Variants in CNTN6 observed in about 807,000 individuals in gnomAD.
CNTN6 encodes the protein contactin 6.
A neutral mutation model predicts 122.8 loss-of-function variants in CNTN6; 137 were observed. That is an observed-to-expected ratio of 1.12 (90% confidence interval 0.97 to 1.29). The LOEUF is 1.29. Among genes scored for constraint, CNTN6 ranks in the 50% most tolerant of loss-of-function variants. CNTN6 has a pLI of 0.00. For missense variants in CNTN6, 1,634 were observed against 1,223.4 expected, an observed-to-expected ratio of 1.34 and a Z score of -5.01; for synonymous variants, 570 against 426.0, an observed-to-expected ratio of 1.34 and a Z score of -4.16.
In CNTN6 at chr3:1,385,749, G is replaced by C; in HGVS notation, c.2656G>C (p.Gly886Arg). 2.5e-6 allele frequency: 4 copies of C among 1,613,824 alleles called. No individual in the cohort carries two copies. The highest frequency in any genetic ancestry group is 3.4e-6 in the Non-Finnish European group (4 of 1,179,876). The change falls in exon 20 of 23, where the codon GGG (glycine) becomes CGG (arginine). Residue 886 changes from glycine to arginine, a missense_variant. By Grantham distance (125) the Gly-to-Arg change is moderately radical (BLOSUM62 -2). Transcript: ENST00000446702. ...TTCCGTAAGAGCTTACAACACTGCT[G>C]GGACAGGGCCCTCAAGCCCCCCAGT... ...FASVRAYNTA[G>R]TGPSSPPVNV...
chr3:1,218,433 C>G (rs1017949995), intron 2 of CNTN6, among the ~76,000 whole-genome samples: 2 of 152,064 alleles, frequency 1.3e-5, no homozygotes, highest in Admixed American at 1.3e-4. Flanking sequence ...GACATCCACA[C>G]TGGAGGCAGA....
chr3:1,241,919 C>T (rs2094490902), intron 4 of CNTN6, among the ~76,000 whole-genome samples: 1 of 152,178 alleles, frequency 6.6e-6, no homozygotes, highest in Admixed American at 6.5e-5. Flanking sequence ...TAGGCTAAAA[C>T]AGTAAGGTCA....
At chr3:1,262,252 C>T (rs866828411) in intron 4 of CNTN6, among the ~76,000 whole-genome samples, 2 of 152,006 alleles carry the variant, frequency 1.3e-5, no homozygotes, top group African/African-American at 2.4e-5. Context: ...AGTGTTGTGG[C>T]TAGGATAAGC....
At chr3:1,120,462 A>G (rs2091907105) in intron 1 of CNTN6, among the ~76,000 whole-genome samples, 1 of 151,890 alleles carries the variant, frequency 6.6e-6, no homozygotes, top group South Asian at 2.1e-4. Flanking sequence ...TTATCTTTTT[A>G]TGTACCTATT....
intron 4 of CNTN6, among the ~76,000 whole-genome samples, chr3:1,242,127 G>T (rs1344845228): frequency 1.3e-5 from 2 of 152,186 alleles, no homozygotes; most frequent in African/African-American, 4.8e-5. Flanking sequence ...AACAGATGAG[G>T]AAGAAATTTG....
chr3:1,259,189 CAT>C (rs140236267), intron 4 of CNTN6, among the ~76,000 whole-genome samples: 3,326 of 152,114 alleles, frequency 0.022, 117 homozygotes, highest in African/African-American at 0.077. Context: ...TCTCATTTCT[CAT>C]ATTATTTACT....
At chr3:1,169,132 G>A (rs186856810) in intron 2 of CNTN6, among the ~76,000 whole-genome samples, 17 of 152,248 alleles carry the variant, frequency 1.1e-4, no homozygotes, top group Admixed American at 1.0e-3. Flanking sequence ...TAGTCTCAGA[G>A]GCCCTAGTCA....
At chr3:1,144,604 AAAAT>A (rs1190121421) in intron 1 of CNTN6, among the ~76,000 whole-genome samples, 1 of 45,858 alleles carries the variant, frequency 2.2e-5, no homozygotes, top group Admixed American at 2.3e-4. Flanking sequence ...TAAAAAATAA[AAAAT>A]AAAAAAAGAA....
At chr3:1,213,108 A>T (rs2094070626) in intron 2 of CNTN6, among the ~76,000 whole-genome samples, 1 of 152,180 alleles carries the variant, frequency 6.6e-6, no homozygotes, top group African/African-American at 2.4e-5. Flanking sequence ...TAATTTGGAA[A>T]CTGCTGTATG....
chr3:1,324,364 C>G (rs1486045325), intron 8 of CNTN6, among the ~76,000 whole-genome samples: 8 of 149,748 alleles, frequency 5.3e-5, no homozygotes, highest in Non-Finnish European at 1.2e-4. Context: ...GGCCCTGCTT[C>G]TTACTTCAGC....
intron 2 of CNTN6, among the ~76,000 whole-genome samples, chr3:1,160,007 G>C (rs1423372844): frequency 6.6e-6 from 1 of 151,890 alleles, no homozygotes; most frequent in Non-Finnish European, 1.5e-5. Flanking sequence ...TTTTAGTAGG[G>C]ACAAGGTTTC....
intron 4 of CNTN6, among the ~76,000 whole-genome samples, chr3:1,234,403 C>A (rs2094395868): frequency 6.6e-6 from 1 of 152,024 alleles, no homozygotes. Flanking sequence ...TAAGCAAGAA[C>A]AAAAACCCTC....
At position 1,401,439 on chromosome 3, in the gene CNTN6, G is replaced by T; in HGVS notation, c.2711G>T (p.Ser904Ile). Reference protein sequence around the residue: ...VNVTTKKSPPSQPPANIAWKL... With the variant: ...VNVTTKKSPPIQPPANIAWKL... ...TTTGATTATCTCTTTAAAGCTCCAA[G>T]CCAACCACCAGCAAACATTGCCTGG... Residue 904 changes from serine (S) to isoleucine (I), a missense_variant, in exon 21 of 23, where the codon AGC becomes ATC. By Grantham distance (142) the Ser-to-Ile change is moderately radical (BLOSUM62 -2). Transcript: ENST00000446702. 1.2e-6 allele frequency: 2 copies of T among 1,611,348 alleles called. No individual in the cohort carries two copies. Among genetic ancestry groups the T allele is most frequent in the Non-Finnish European group, 1.7e-6 (2 of 1,178,222 alleles).
At chr3:1,228,939 C>T (rs2125556575) in intron 4 of CNTN6, among the ~76,000 whole-genome samples, 1 of 151,932 alleles carries the variant, frequency 6.6e-6, no homozygotes, top group African/African-American at 2.4e-5. Flanking sequence ...TTATTCTACA[C>T]CAGAGATCCC....
intron 1 of CNTN6, among the ~76,000 whole-genome samples, chr3:1,102,619 T>G (rs111541295): frequency 0.079 from 11,690 of 148,780 alleles, 1,025 homozygotes; most frequent in Non-Finnish European, 0.11. Context: ...TCCCAGCTAC[T>G]CGGGAGGCTG....
At chr3:1,352,483 A>G in intron 12 of CNTN6, 32 bp downstream of exon 12, 1 of 1,607,050 alleles carries the variant, frequency 6.2e-7, no homozygotes, top group South Asian at 1.1e-5. Flanking sequence ...TGCTTGATGA[A>G]CATTGTAAAT....
At chr3:1,295,043 A>G (rs1216351600) in intron 5 of CNTN6, among the ~76,000 whole-genome samples, 1 of 152,184 alleles carries the variant, frequency 6.6e-6, no homozygotes, top group Non-Finnish European at 1.5e-5. Flanking sequence ...ACTTGAGCTC[A>G]GGAGTTGGAG....
chr3:1,300,906 G>T (rs1197180415), intron 7 of CNTN6, among the ~76,000 whole-genome samples: 5 of 151,280 alleles, frequency 3.3e-5, no homozygotes, highest in Non-Finnish European at 7.4e-5. Flanking sequence ...GAGGTATGTG[G>T]AATAATTTAA....
intron 17 of CNTN6, among the ~76,000 whole-genome samples, chr3:1,378,130 T>C (rs180777108): frequency 6.6e-5 from 10 of 152,054 alleles, no homozygotes; most frequent in African/African-American, 2.2e-4. Context: ...TTGAAGGCTG[T>C]CCATGGATGA....
Sources: gnomAD v4.1 joint callset for allele counts (sites outside exome capture counted in the v4.1 genomes callset) on GRCh38, gnomAD v4.1.1 for gene constraint, MANE v1.5 for transcripts, NCBI Gene and HGNC (gene_info 2026-07-23, HGNC 2026-07-21) for gene names.